The following CDS2 variants were observed in gnomAD, a reference collection of about 807,000 sequenced individuals.
The protein encoded by CDS2 is CDP-diacylglycerol synthase 2.
Under a neutral mutation model 59.0 loss-of-function variants are expected in CDS2, and 47 were observed. The observed-to-expected ratio is 0.80, with a 90% confidence interval of 0.63 to 1.02. The LOEUF (loss-of-function observed/expected upper bound fraction) is 1.02. Ranked by LOEUF, CDS2 falls within the 50% of genes least tolerant of loss-of-function variation. CDS2 has a pLI of 0.00. For synonymous variants in CDS2, 207 were observed against 206.4 expected (o/e 1.00, Z -0.02); for missense variants, 356 against 558.9 (o/e 0.64, Z 3.66).
chr20:5,144,820 A>G (rs1434014359), intron 1 of CDS2, among the ~76,000 whole-genome samples: 1 of 152,114 alleles, frequency 6.6e-6, no homozygotes, highest in Admixed American at 6.6e-5. Flanking sequence ...AGGGTTTCCA[A>G]CTGTGTTGGC....
At chr20:5,154,874 C>T (rs2090821030) in intron 1 of CDS2, among the ~76,000 whole-genome samples, 1 of 152,230 alleles carries the variant, frequency 6.6e-6, no homozygotes, top group Non-Finnish European at 1.5e-5. Context: ...TCTCAAACTT[C>T]TGAGCTCAAG....
intron 1 of CDS2, among the ~76,000 whole-genome samples, chr20:5,142,615 A>G (rs1235928723): frequency 6.6e-6 from 1 of 152,236 alleles, no homozygotes; most frequent in African/African-American, 2.4e-5. Flanking sequence ...ATGGTGATGT[A>G]TATTCCTCCT....
chr20:5,127,959 G>C (rs2122931083), intron 1 of CDS2, among the ~76,000 whole-genome samples: 1 of 152,292 alleles, frequency 6.6e-6, no homozygotes, highest in East Asian at 1.9e-4. Context: ...GCAGTGATCA[G>C]GAGCCCTGTG....
chr20:5,146,357 A>G (rs868712186), intron 1 of CDS2, among the ~76,000 whole-genome samples: 8 of 152,204 alleles, frequency 5.3e-5, no homozygotes, highest in Admixed American at 3.9e-4. Context: ...CAGAGGAGTC[A>G]GGGAAGGAAA....
At chr20:5,186,589 C>T (rs1880792386) in intron 9 of CDS2, 98 bp from the exon 10 acceptor site, 2 of 1,192,660 alleles carry the variant, frequency 1.7e-6, no homozygotes, top group Non-Finnish European at 2.5e-6. Context: ...TAGCAGGGTA[C>T]TAGGCACCCT....
intron 1 of CDS2, among the ~76,000 whole-genome samples, chr20:5,170,118 G>T (rs148449065): frequency 3.3e-5 from 5 of 152,140 alleles, no homozygotes; most frequent in South Asian, 2.1e-4. Context: ...TTCCTTCGCC[G>T]CTGAAGACCA....
intron 1 of CDS2, among the ~76,000 whole-genome samples, chr20:5,159,509 T>C (rs1385158823): frequency 6.6e-6 from 1 of 152,148 alleles, no homozygotes; most frequent in South Asian, 2.1e-4. Context: ...TTGTTTTGGA[T>C]GATTTGCATG....
intron 1 of CDS2, among the ~76,000 whole-genome samples, chr20:5,134,882 T>C (rs1462276780): frequency 1.3e-5 from 2 of 152,144 alleles, no homozygotes; most frequent in Admixed American, 1.3e-4. Context: ...CTGATGGATA[T>C]GGGAACATAA....
At chr20:5,144,057 G>A (rs1028864556) in intron 1 of CDS2, among the ~76,000 whole-genome samples, 18 of 151,954 alleles carry the variant, frequency 1.2e-4, no homozygotes, top group African/African-American at 2.2e-4. Flanking sequence ...GAGCCACCAC[G>A]CCCCCGCCTG....
At chr20:5,154,247 G>A (rs1386368597) in intron 1 of CDS2, among the ~76,000 whole-genome samples, 2 of 152,202 alleles carry the variant, frequency 1.3e-5, no homozygotes, top group African/African-American at 4.8e-5. Context: ...CCCAGTTGCC[G>A]AGCCTGGAGG....
intron 1 of CDS2, among the ~76,000 whole-genome samples, chr20:5,135,936 G>C (rs546436970): frequency 6.6e-6 from 1 of 152,328 alleles, no homozygotes; most frequent in Admixed American, 6.5e-5. Context: ...TCCTACCAAA[G>C]TCAGACATCT....
intron 1 of CDS2, among the ~76,000 whole-genome samples, chr20:5,141,919 AC>A (rs2090697656): frequency 6.6e-6 from 1 of 152,188 alleles, no homozygotes; most frequent in Admixed American, 6.5e-5. Context: ...GGGAAAAAAA[AC>A]GAGTTTGAGT....
chr20:5,173,938 G>T (rs1346119299), intron 2 of CDS2, among the ~76,000 whole-genome samples: 3 of 152,238 alleles, frequency 2.0e-5, no homozygotes, highest in Non-Finnish European at 4.4e-5. Flanking sequence ...GAGGAAGAGG[G>T]GACAGGAGGG....
chr20:5,157,480 G>A (rs955615611), intron 1 of CDS2, among the ~76,000 whole-genome samples: 4 of 152,194 alleles, frequency 2.6e-5, no homozygotes, highest in Non-Finnish European at 5.9e-5. Flanking sequence ...GAAGATGCGG[G>A]ACCTGGGGCC....
chr20:5,185,702 C>G (rs1183515868), intron 8 of CDS2, 56 bp from the exon 9 acceptor site: 1 of 1,464,586 alleles, frequency 6.8e-7, no homozygotes, highest in African/African-American at 1.4e-5. Flanking sequence ...AATCATTGTT[C>G]GCAAAGCTAT....
intron 10 of CDS2, among the ~76,000 whole-genome samples, chr20:5,188,158 C>T (rs1201441856): frequency 6.6e-6 from 1 of 152,012 alleles, no homozygotes; most frequent in Admixed American, 6.6e-5. Context: ...ATTTACATAA[C>T]TCAGTGAACC....
rs374354583 is a variant in CDS2, at chr20:5,163,787, C to T, written c.58-9736C>T. On this transcript the variant is annotated intron_variant, in intron 1 of 12. Coordinates refer to ENST00000460006, the MANE Select transcript of CDS2 (RefSeq NM_003818.4). ...GCATTGTGGCTTTCATAATTTCTTTCTTTCTTTTTTTTTTTTTTTTTGAAG... is the reference window on the plus strand; with the variant it reads ...GCATTGTGGCTTTCATAATTTCTTTTTTTCTTTTTTTTTTTTTTTTTGAAG... 1.3e-3 allele frequency among the ~76,000 whole-genome samples: 151 copies of T among 115,872 alleles called. 1 individual carries two copies. Among genetic ancestry groups the T allele is most frequent in the South Asian group, 6.9e-3 (19 of 2,734 alleles). The allele number at this position is 115,872 out of a possible 152,430, so 76.0% of individuals were successfully genotyped here.
At chr20:5,145,546 G>C (rs187993056) in intron 1 of CDS2, among the ~76,000 whole-genome samples, 1 of 152,146 alleles carries the variant, frequency 6.6e-6, no homozygotes, top group Non-Finnish European at 1.5e-5. Flanking sequence ...GAGGGCAGAC[G>C]CTCCTTCTTC....
At chr20:5,178,524 A>G (rs938236278) in intron 4 of CDS2, among the ~76,000 whole-genome samples, 1 of 152,186 alleles carries the variant, frequency 6.6e-6, no homozygotes, top group Non-Finnish European at 1.5e-5. Context: ...CATATGGTTC[A>G]AGGATCCCTC....
Sources: allele counts gnomAD v4.1 joint callset (sites outside exome capture counted in the v4.1 genomes callset), GRCh38; gene constraint gnomAD v4.1.1; transcripts MANE v1.5; gene names NCBI Gene and HGNC (gene_info 2026-07-23, HGNC 2026-07-21).